The following SLC7A14 variants were observed in gnomAD, a reference collection of about 807,000 sequenced individuals.
SLC7A14 encodes the protein solute carrier family 7 member 14, also known as gamma-aminobutyric acid transporter SLC7A14.
A neutral mutation model predicts 60.2 loss-of-function variants in SLC7A14; 37 were observed. The ratio of observed to expected loss-of-function variants is 0.61; its 90% CI spans 0.47 to 0.81. The LOEUF (loss-of-function observed/expected upper bound fraction) is 0.81. SLC7A14 is among the 30% of genes least tolerant of loss of function. SLC7A14 has a pLI of 0.00. For synonymous variants in SLC7A14, 399 were observed against 395.8 expected, an observed-to-expected ratio of 1.01 and a Z score of -0.10; for missense variants, 886 against 982.7, an observed-to-expected ratio of 0.90 and a Z score of 1.32.
chr3:170,543,929 T>C (rs1297606219), intron 1 of SLC7A14, among the ~76,000 whole-genome samples: 1 of 151,684 alleles, frequency 6.6e-6, no homozygotes, highest in African/African-American at 2.4e-5. Context: ...TTTGTATTTT[T>C]AGTAGAGACA....
intron 7 of SLC7A14, among the ~76,000 whole-genome samples, chr3:170,468,328 C>G (rs1265560586): frequency 6.6e-6 from 1 of 151,678 alleles, no homozygotes; most frequent in Admixed American, 6.6e-5. Flanking sequence ...GACAGGGTCT[C>G]ACTCTGTTGT....
At chr3:170,481,276 C>T in intron 6 of SLC7A14, 110 bp from the exon 7 acceptor site, 2 of 1,164,714 alleles carry the variant, frequency 1.7e-6, no homozygotes, top group Non-Finnish European at 2.4e-6. Flanking sequence ...TTAACTCCTC[C>T]TGGTCCTGCT....
At chr3:170,554,577 C>CT (rs1177489800) in intron 1 of SLC7A14, among the ~76,000 whole-genome samples, 2 of 152,172 alleles carry the variant, frequency 1.3e-5, no homozygotes, top group Non-Finnish European at 2.9e-5. Context: ...CATTCACCTG[C>CT]TTCAGCCTTC....
chr3:170,529,169 T>C (rs532583477), intron 1 of SLC7A14, among the ~76,000 whole-genome samples: 1 of 152,180 alleles, frequency 6.6e-6, no homozygotes, highest in South Asian at 2.1e-4. Flanking sequence ...ACCACATGAG[T>C]AAATAAGATA....
At chr3:170,496,688 A>G (rs1712408756) in intron 4 of SLC7A14, 1 of 1,005,528 alleles carries the variant, frequency 9.9e-7, no homozygotes, top group Non-Finnish European at 1.6e-6. Context: ...ACCAGCGGCT[A>G]TGCAGGTGGT....
At chr3:170,471,090 G>GGTGT (rs113891859) in intron 7 of SLC7A14, among the ~76,000 whole-genome samples, 6,404 of 146,410 alleles carry the variant, frequency 0.044, 423 homozygotes, top group African/African-American at 0.14. Flanking sequence ...TCTGGGAAGG[G>GGTGT]GTGTGTGTGT....
chr3:170,562,496 G>T (rs987567527), intron 1 of SLC7A14, among the ~76,000 whole-genome samples: 5 of 151,564 alleles, frequency 3.3e-5, no homozygotes, highest in South Asian at 2.1e-4. Context: ...AGTGGGGAGG[G>T]TGGGAAGGGG....
At chr3:170,514,743 G>A (rs910984726) in intron 2 of SLC7A14, among the ~76,000 whole-genome samples, 4 of 152,184 alleles carry the variant, frequency 2.6e-5, no homozygotes, top group Admixed American at 2.6e-4. Flanking sequence ...AGGAGCTTCA[G>A]CATTGGAACC....
chr3:170,559,432 G>C (rs1714577702), intron 1 of SLC7A14, among the ~76,000 whole-genome samples: 1 of 152,074 alleles, frequency 6.6e-6, no homozygotes, highest in African/African-American at 2.4e-5. Flanking sequence ...TATTAAGTGG[G>C]AGAAAGATCC....
chr3:170,499,236 CAAAAAAAAAAAAAAA>C (rs11336080), intron 3 of SLC7A14, among the ~76,000 whole-genome samples: 5 of 59,930 alleles, frequency 8.3e-5, no homozygotes, highest in African/African-American at 2.1e-4. Context: ...GACTCTGTCT[CAAAAAAAAAAAAAAA>C]AAAAAAAAAA....
chr3:170,560,010 C>T (rs1714600305), intron 1 of SLC7A14, among the ~76,000 whole-genome samples: 1 of 152,180 alleles, frequency 6.6e-6, no homozygotes, highest in African/African-American at 2.4e-5. Context: ...TTTGTCTTAT[C>T]AATAACTTTA....
At position 170,514,041 on chromosome 3, in the gene SLC7A14, C is replaced by T. The variant is rs572971243; in HGVS notation, c.304+12592G>A. Among the ~76,000 whole-genome samples, 6 of 152,356 alleles carry T rather than the reference C, an allele frequency of 3.9e-5. No individual in the cohort carries two copies. In the East Asian group the frequency reaches 1.2e-3, roughly 29 times the overall value. ...GTGTGTAGTCATTTAACAAAGTTCT[C>T]CCTTCAGTTCTTTTCTCTCCTTGCA... On this transcript the variant is annotated intron_variant, in intron 2 of 7. Coordinates refer to ENST00000231706, the MANE Select transcript of SLC7A14 (RefSeq NM_020949.3).
chr3:170,469,356 C>A (rs1277961643), intron 7 of SLC7A14, among the ~76,000 whole-genome samples: 1 of 152,168 alleles, frequency 6.6e-6, no homozygotes, highest in Non-Finnish European at 1.5e-5. Flanking sequence ...GTGAAATCAA[C>A]TTTCCAGGAG....
chr3:170,474,189 G>A (rs1211421629), intron 7 of SLC7A14, among the ~76,000 whole-genome samples: 2 of 152,202 alleles, frequency 1.3e-5, no homozygotes, highest in African/African-American at 4.8e-5. Flanking sequence ...GCAACAATGG[G>A]CGTGAATCTC....
chr3:170,471,090 G>GGGGTGTGTGTGTGTGTGT (rs1553864201), intron 7 of SLC7A14, among the ~76,000 whole-genome samples: 4 of 146,452 alleles, frequency 2.7e-5, no homozygotes, highest in African/African-American at 1.0e-4. Context: ...TCTGGGAAGG[G>GGGGTGTGTGTGTGTGTGT]GTGTGTGTGT....
At chr3:170,497,506 C>A (rs1400745481) in intron 4 of SLC7A14, among the ~76,000 whole-genome samples, 2 of 152,190 alleles carry the variant, frequency 1.3e-5, no homozygotes, top group Admixed American at 6.5e-5. Context: ...TGGAGAAAAA[C>A]CAGCCTAAGC....
At chr3:170,520,566 T>A (rs1713312860) in intron 2 of SLC7A14, among the ~76,000 whole-genome samples, 1 of 152,174 alleles carries the variant, frequency 6.6e-6, no homozygotes, top group South Asian at 2.1e-4. Flanking sequence ...TCTTATTAGA[T>A]TTTTGCCAAA....
At chr3:170,528,621 C>A (rs951593142) in intron 1 of SLC7A14, among the ~76,000 whole-genome samples, 11 of 152,098 alleles carry the variant, frequency 7.2e-5, no homozygotes, top group Non-Finnish European at 1.0e-4. Context: ...TGGGTGACAG[C>A]CTTTCTGGTT....
chr3:170,523,204 G>C (rs1297332104), intron 2 of SLC7A14, among the ~76,000 whole-genome samples: 1 of 152,242 alleles, frequency 6.6e-6, no homozygotes, highest in Non-Finnish European at 1.5e-5. Context: ...CCGATGTTCA[G>C]AGAAATTATG....
Sources: allele counts gnomAD v4.1 joint callset (sites outside exome capture counted in the v4.1 genomes callset), GRCh38; gene constraint gnomAD v4.1.1; transcripts MANE v1.5; gene names NCBI Gene and HGNC (gene_info 2026-07-23, HGNC 2026-07-21).